Variants in FAM107B observed in about 807,000 individuals in gnomAD.
The protein encoded by FAM107B is protein FAM107B.
FAM107B carries 21 observed loss-of-function variants against 31.5 expected under a neutral mutation model. The observed-to-expected ratio is 0.67, with a 90% CI of 0.47 to 0.96. The LOEUF is 0.96. FAM107B is among the 40% of genes least tolerant of loss of function. FAM107B has a pLI of 0.00. For missense variants in FAM107B, 452 were observed against 377.1 expected (o/e 1.20, Z -1.64); for synonymous variants, 157 against 141.5 (o/e 1.11, Z -0.78).
intron 1 of FAM107B, chr10:14,723,409 A>G (rs1051593477): frequency 9.0e-6 from 5 of 552,574 alleles, no homozygotes; most frequent in African/African-American, 7.5e-5. Context: ...TTTCAGCAGC[A>G]TCTGCTCTTC....
chr10:14,739,456 A>G (rs77006584), intron 1 of FAM107B, among the ~76,000 whole-genome samples: 6,701 of 152,302 alleles, frequency 0.044, 272 homozygotes, highest in African/African-American at 0.11. Context: ...CCAGGCATCC[A>G]TGATCCATCC....
intron 2 of FAM107B, among the ~76,000 whole-genome samples, chr10:14,596,988 A>G (rs1852209152): frequency 6.6e-6 from 1 of 152,208 alleles, no homozygotes; most frequent in Non-Finnish European, 1.5e-5. Flanking sequence ...ATACTCATTC[A>G]TGGCAAGCTT....
intron 2 of FAM107B, among the ~76,000 whole-genome samples, chr10:14,641,817 T>A (rs557987039): frequency 1.6e-4 from 25 of 152,190 alleles, no homozygotes; most frequent in Non-Finnish European, 3.5e-4. Context: ...TTTATAGCAT[T>A]ATATCCCTGG....
In FAM107B at chr10:14,699,861, C is replaced by G. The variant is rs568187042; in HGVS notation, c.412-32170G>C. 4.7e-4 allele frequency among the ~76,000 whole-genome samples: 71 copies of G among 152,352 alleles called. No homozygotes were observed. In the South Asian group the frequency reaches 0.014, roughly 29 times the overall value. The stretch of plus-strand genomic sequence containing the variant: ...TGAAGGTTAGTCTGGCGACAGATTA[C>G]AGGCTGGGTTGGCCTGTGGAGCGCC... On this transcript the variant is annotated intron_variant, in intron 1 of 4. Coordinates refer to ENST00000181796, the MANE Select transcript of FAM107B (RefSeq NM_031453.4).
At chr10:14,603,421 C>T (rs1245822838) in intron 2 of FAM107B, among the ~76,000 whole-genome samples, 1 of 152,186 alleles carries the variant, frequency 6.6e-6, no homozygotes, top group Non-Finnish European at 1.5e-5. Flanking sequence ...CTTTGCTCCG[C>T]TGTCATTGCC....
intron 1 of FAM107B, among the ~76,000 whole-genome samples, chr10:14,770,030 A>G (rs925688367): frequency 2.0e-5 from 3 of 152,140 alleles, no homozygotes; most frequent in Admixed American, 1.3e-4. Context: ...AAGGCTGAAC[A>G]TGGAGTGCCG....
At chr10:14,632,647 G>A (rs1252479669) in intron 2 of FAM107B, among the ~76,000 whole-genome samples, 1 of 151,006 alleles carries the variant, frequency 6.6e-6, no homozygotes, top group East Asian at 1.9e-4. Context: ...AGAAATCTTC[G>A]TCTAAGAATT....
At chr10:14,713,594 G>A (rs1225331622) in intron 1 of FAM107B, among the ~76,000 whole-genome samples, 2 of 152,186 alleles carry the variant, frequency 1.3e-5, no homozygotes, top group African/African-American at 4.8e-5. Context: ...AGTGAATTGA[G>A]AGGAAGGAAA....
At chr10:14,636,514 G>A (rs1853504236) in intron 2 of FAM107B, among the ~76,000 whole-genome samples, 1 of 152,128 alleles carries the variant, frequency 6.6e-6, no homozygotes. Context: ...GAAAAGCAAA[G>A]CACTGAACAC....
chr10:14,767,421 A>G (rs111972469), intron 1 of FAM107B, among the ~76,000 whole-genome samples: 118 of 152,040 alleles, frequency 7.8e-4, no homozygotes, highest in African/African-American at 2.7e-3. Flanking sequence ...AAGATCCTCA[A>G]CAAAATACTA....
chr10:14,756,239 A>G (rs571963462), intron 1 of FAM107B, among the ~76,000 whole-genome samples: 82 of 152,208 alleles, frequency 5.4e-4, no homozygotes, highest in Non-Finnish European at 9.7e-4. Flanking sequence ...TCATTATTCT[A>G]CAAATTGATG....
intron 1 of FAM107B, among the ~76,000 whole-genome samples, chr10:14,694,603 C>T (rs182283802): frequency 2.8e-4 from 43 of 152,304 alleles, no homozygotes; most frequent in South Asian, 6.2e-4. Flanking sequence ...GGGCTGGCCT[C>T]GAACTCCTGA....
intron 2 of FAM107B, among the ~76,000 whole-genome samples, chr10:14,658,726 A>G (rs918876097): frequency 1.3e-5 from 2 of 152,198 alleles, no homozygotes; most frequent in Admixed American, 1.3e-4. Context: ...AGCAAGTTTA[A>G]AAAGAGCAAG....
chr10:14,713,163 G>A (rs180804950), intron 1 of FAM107B, among the ~76,000 whole-genome samples: 26 of 152,196 alleles, frequency 1.7e-4, no homozygotes, highest in African/African-American at 6.3e-4. Flanking sequence ...GAGGATAATG[G>A]GTTATTATGT....
chr10:14,547,806 T>G (rs1848839530), intron 2 of FAM107B, among the ~76,000 whole-genome samples: 1 of 152,240 alleles, frequency 6.6e-6, no homozygotes. Flanking sequence ...TTCTGTAGGC[T>G]TAAAATGTTC....
Position 14,628,115 on chromosome 10 carries a change from T to TTTTTTTGTTTTTTTTTG in FAM107B, c.469+39518_469+39519insCAAAAAAAAACAAAAAA, listed in dbSNP as rs1304588701. 4.2e-4 allele frequency among the ~76,000 whole-genome samples: 50 copies of TTTTTTTGTTTTTTTTTG among 120,258 alleles called. 3 individuals are homozygous for TTTTTTTGTTTTTTTTTG. The South Asian group carries it at 9.6e-3, about 23-fold the overall frequency. 78.9% of individuals were successfully genotyped at this position (120,258 alleles called of 152,430 possible). The stretch of plus-strand genomic sequence containing the variant: ...TTGTTTGTTTTTTGTTTTGCTGGTT[T>TTTTTTTGTTTTTTTTTG]TTTTTTTTTTTTTTTTTTGAGATGG... On this transcript the variant is annotated intron_variant, in intron 2 of 4. Coordinates refer to ENST00000181796, the MANE Select transcript of FAM107B (RefSeq NM_031453.4).
intron 1 of FAM107B, among the ~76,000 whole-genome samples, chr10:14,713,238 G>A (rs1855702945): frequency 6.6e-6 from 1 of 152,152 alleles, no homozygotes; most frequent in South Asian, 2.1e-4. Flanking sequence ...CCTTGACCCA[G>A]CAATTCCATA....
chr10:14,619,817 T>C (rs1852958214), intron 2 of FAM107B, among the ~76,000 whole-genome samples: 1 of 151,858 alleles, frequency 6.6e-6, no homozygotes, highest in African/African-American at 2.4e-5. Flanking sequence ...TTTAGGTCTA[T>C]GACGTATTTC....
intron 1 of FAM107B, among the ~76,000 whole-genome samples, chr10:14,728,836 A>C (rs893873416): frequency 6.6e-6 from 1 of 152,148 alleles, no homozygotes; most frequent in Non-Finnish European, 1.5e-5. Context: ...TTTTCTCTTT[A>C]ATTTTTGACA....
Sources: gnomAD v4.1 joint callset for allele counts (sites outside exome capture counted in the v4.1 genomes callset) on GRCh38, gnomAD v4.1.1 for gene constraint, MANE v1.5 for transcripts, NCBI Gene and HGNC (gene_info 2026-07-23, HGNC 2026-07-21) for gene names.